The following PRDM2 variants were observed in gnomAD, a reference collection of about 807,000 sequenced individuals.
PRDM2 encodes PR domain zinc finger protein 2.
A neutral mutation model predicts 130.0 loss-of-function variants in PRDM2; 30 were observed. That is an observed-to-expected ratio of 0.23 (90% CI 0.17 to 0.31). The LOEUF is 0.31. PRDM2 is among the 10% of genes least tolerant of loss of function. The probability of loss-of-function intolerance (pLI) is 1.00; values close to 1 mark genes in which losing one functional copy is unlikely to be tolerated. For synonymous variants in PRDM2, 871 were observed against 782.4 expected (o/e 1.11, Z -1.89); for missense variants, 2,011 against 2,108.4 (o/e 0.95, Z 0.90).
chr1:13,730,973 G>A (rs1643085497), intron 2 of PRDM2, 27 bp from the exon 3 acceptor site: 1 of 1,453,084 alleles, frequency 6.9e-7, no homozygotes, highest in Non-Finnish European at 9.3e-7. Flanking sequence ...TTCTTTTGCT[G>A]TGATCCTTCC....
At chr1:13,799,445 C>CAAA (rs5772551) in intron 8 of PRDM2, among the ~76,000 whole-genome samples, 8 of 131,336 alleles carry the variant, frequency 6.1e-5, no homozygotes, top group South Asian at 4.9e-4. Context: ...AACTCCATCT[C>CAAA]AAAAAAAAAA....
At chr1:13,750,993 A>G (rs1338455362) in intron 6 of PRDM2, among the ~76,000 whole-genome samples, 1 of 152,252 alleles carries the variant, frequency 6.6e-6, no homozygotes, top group African/African-American at 2.4e-5. Context: ...GCCACTAATC[A>G]TAACTAACTC....
chr1:13,782,062 A>G lies in PRDM2; in HGVS notation c.4267A>G (p.Lys1423Glu), dbSNP rs1401837232. ...GAATAAGCTCAAATTAAATGCATTGAAGAAAAAAAATCAGCTAGTACAGAA... is the reference window on the plus strand; with the variant it reads ...GAATAAGCTCAAATTAAATGCATTGGAGAAAAAAAATCAGCTAGTACAGAA... ...SSNKLKLNAL[K>E]KKNQLVQKAI... The change falls in exon 8 of 10, where the codon AAG (lysine) becomes GAG (glutamate). Residue 1423 changes from lysine to glutamate, a missense_variant. This residue lies in a region of PRDM2 where 410 missense variants were observed against 395.9 expected (regional missense o/e 1.04). Coordinates refer to ENST00000311066, the MANE Select transcript of PRDM2 (RefSeq NM_001393986.1). 1 of 1,614,144 alleles carries G rather than the reference A, an allele frequency of 6.2e-7. No homozygotes were observed. Among genetic ancestry groups the G allele is most frequent in the Non-Finnish European group, 8.5e-7 (1 of 1,180,022 alleles).
chr1:13,758,237 A>G (rs554422639), intron 6 of PRDM2, among the ~76,000 whole-genome samples: 1 of 152,046 alleles, frequency 6.6e-6, no homozygotes, highest in South Asian at 2.1e-4. Flanking sequence ...TGAGGTCAGG[A>G]GTTTGAGAAC....
intron 8 of PRDM2, among the ~76,000 whole-genome samples, chr1:13,788,617 C>T (rs1024991010): frequency 6.6e-6 from 1 of 152,166 alleles, no homozygotes; most frequent in African/African-American, 2.4e-5. Flanking sequence ...GCCAGATGTT[C>T]TGGCATACGA....
At chr1:13,761,764 A>G (rs1644103738) in intron 6 of PRDM2, among the ~76,000 whole-genome samples, 1 of 152,136 alleles carries the variant, frequency 6.6e-6, no homozygotes, top group Non-Finnish European at 1.5e-5. Context: ...GTTAGGAGCA[A>G]TAAAATCAGT....
In PRDM2 at chr1:13,752,882, C is replaced by T. The variant is rs77739331; in HGVS notation, c.511+3395C>T. ...ATCATCATATCGATGATGCTTGTGC[C>T]ACCTAACCTCACAAAGTTGTCAAGA... On this transcript the variant is annotated intron_variant, in intron 6 of 9. Transcript: ENST00000311066. Among the ~76,000 whole-genome samples the T allele has an allele frequency of 2.0e-5, 3 of 152,252 alleles. No homozygotes were observed. In the East Asian group the frequency reaches 5.8e-4, roughly 29 times the overall value.
At position 13,782,806 on chromosome 1, in the gene PRDM2, G is replaced by T. The variant is rs758972620; in HGVS notation, c.5011G>T (p.Ala1671Ser). 15 of 1,608,266 alleles carry T rather than the reference G, an allele frequency of 9.3e-6. No homozygotes were observed. The African/African-American group carries it at 1.9e-4, about 20-fold the overall frequency. ...TGAGAACAAGAGAGAGGACGGCAGC[G>T]CCAAGCAGGAGCTGAAGGACTTCAG... ...LSENKREDGS[A>S]KQELKDFSYS... The change falls in exon 8 of 10, where the codon GCC becomes TCC. Residue 1671 changes from alanine (A) to serine (S), a missense_variant. By Grantham distance (99) the Ala-to-Ser change is moderately conservative (BLOSUM62 1). This residue lies in a region of PRDM2 where 410 missense variants were observed against 395.9 expected (regional missense o/e 1.04). Transcript: ENST00000311066.
intron 6 of PRDM2, among the ~76,000 whole-genome samples, chr1:13,765,380 G>T (rs749501711): frequency 6.6e-6 from 1 of 152,052 alleles, no homozygotes; most frequent in Non-Finnish European, 1.5e-5. Flanking sequence ...ACTGTAGAAC[G>T]TTAAACTACT....
chr1:13,798,241 C>T (rs1319361324), intron 8 of PRDM2, among the ~76,000 whole-genome samples: 1 of 152,210 alleles, frequency 6.6e-6, no homozygotes, highest in Admixed American at 6.5e-5. Flanking sequence ...ACCGCTCCGC[C>T]TCAGTGACCT....
intron 2 of PRDM2, among the ~76,000 whole-genome samples, chr1:13,716,880 G>C (rs1297384117): frequency 2.6e-5 from 4 of 151,922 alleles, no homozygotes; most frequent in Non-Finnish European, 4.4e-5. Context: ...TTAGTCCTTA[G>C]CTTAAAACTC....
chr1:13,816,698 T>C, intron 9 of PRDM2, 128 bp downstream of exon 9: 3 of 1,266,022 alleles, frequency 2.4e-6, no homozygotes, highest in Admixed American at 2.6e-5. Context: ...CCAGGCACGG[T>C]GCAGGGCCTC....
At chr1:13,706,544 G>T (rs1208316031) in intron 1 of PRDM2, among the ~76,000 whole-genome samples, 1 of 152,128 alleles carries the variant, frequency 6.6e-6, no homozygotes, top group African/African-American at 2.4e-5. Context: ...CGGTATCTGA[G>T]AACTCTACCA....
intron 6 of PRDM2, among the ~76,000 whole-genome samples, chr1:13,772,652 G>A (rs1031523725): frequency 6.6e-6 from 1 of 152,108 alleles, no homozygotes; most frequent in Non-Finnish European, 1.5e-5. Flanking sequence ...AGCTAAAAGG[G>A]CCCCAAGTTA....
rs1644846276 is a variant in PRDM2 at position 13,791,889 on chromosome 1, A to C, written c.5036+9058A>C. On this transcript the variant is annotated intron_variant, in intron 8 of 9. Coordinates refer to ENST00000311066, the MANE Select transcript of PRDM2 (RefSeq NM_001393986.1). ...CTGGATTTCTTTTCAACTCTTTTTT[A>C]AAATAGAAATTCAGGTGGACATTCT... Among the ~76,000 whole-genome samples the C allele has an allele frequency of 2.0e-5, 3 of 152,178 alleles. No individual in the cohort carries two copies. In the South Asian group the frequency reaches 6.2e-4, roughly 32 times the overall value.
chr1:13,769,524 A>G (rs1242523495), intron 6 of PRDM2, among the ~76,000 whole-genome samples: 1 of 152,188 alleles, frequency 6.6e-6, no homozygotes, highest in African/African-American at 2.4e-5. Context: ...TGAAGGCAGG[A>G]CAGGTGATTT....
Position 13,755,513 on chromosome 1 carries a change from T to G in PRDM2, c.511+6026T>G, listed in dbSNP as rs16852907. ...AAACTATATAAAAGAGGTAACAAGA[T>G]CCTTATAGTTAGTTCAAAATACTTT... On this transcript the variant is annotated intron_variant, in intron 6 of 9. Coordinates refer to ENST00000311066, the MANE Select transcript of PRDM2 (RefSeq NM_001393986.1). 2.3e-3 allele frequency among the ~76,000 whole-genome samples: 355 copies of G among 152,312 alleles called. 3 individuals are homozygous for G. Among genetic ancestry groups the G allele is most frequent in the African/African-American group, 8.2e-3 (342 of 41,560 alleles).
intron 8 of PRDM2, chr1:13,787,499 C>T (rs1644765698): frequency 3.0e-6 from 3 of 984,646 alleles, no homozygotes; most frequent in African/African-American, 1.7e-5. Context: ...AGTAATCTAC[C>T]TCTGAAAAAT....
intron 1 of PRDM2, among the ~76,000 whole-genome samples, chr1:13,700,761 A>T (rs537819621): frequency 6.6e-4 from 100 of 152,068 alleles, no homozygotes; most frequent in African/African-American, 2.3e-3. Flanking sequence ...TTGCACTCCA[A>T]ATTTGTTTTG....
Sources: gnomAD v4.1 joint callset for allele counts (sites outside exome capture counted in the v4.1 genomes callset) on GRCh38, gnomAD v4.1.1 for gene constraint, gnomAD v4.1.1 regional missense constraint, MANE v1.5 for transcripts, NCBI Gene and HGNC (gene_info 2026-07-23, HGNC 2026-07-21) for gene names.